The following TTC12 variants were observed in gnomAD, a reference collection of about 807,000 sequenced individuals.
TTC12 encodes the protein tetratricopeptide repeat domain 12, also known as tetratricopeptide repeat protein 12.
In TTC12, 70 loss-of-function variants were observed where a neutral mutation model predicts 90.1. The observed-to-expected ratio is 0.78, with a 90% CI of 0.64 to 0.95. TTC12 has a LOEUF of 0.95. TTC12 is among the 40% of genes least tolerant of loss of function. The pLI is 0.00. For synonymous variants in TTC12, 296 were observed against 311.5 expected, an observed-to-expected ratio of 0.95 and a Z score of 0.53; for missense variants, 819 against 846.1, an observed-to-expected ratio of 0.97 and a Z score of 0.40.
intron 11 of TTC12, 52 bp downstream of exon 11, chr11:113,340,785 C>T: frequency 6.9e-7 from 1 of 1,443,286 alleles, no homozygotes; most frequent in Non-Finnish European, 9.8e-7. Context: ...AAGATAACCA[C>T]TGCTTATGAA....
chr11:113,368,024 T>G (rs1950268620), downstream of TTC12, among the ~76,000 whole-genome samples: 1 of 152,170 alleles, frequency 6.6e-6, no homozygotes, highest in South Asian at 2.1e-4. Flanking sequence ...GAAAGGCTGT[T>G]TGTGTTCATA....
intron 16 of TTC12, among the ~76,000 whole-genome samples, chr11:113,357,832 T>C (rs1555153058): frequency 6.6e-6 from 1 of 152,228 alleles, no homozygotes; most frequent in East Asian, 1.9e-4. Context: ...CCCGAACCTC[T>C]GGTCACTACA....
chr11:113,338,361 C>G (rs1948492280), intron 8 of TTC12, among the ~76,000 whole-genome samples: 1 of 152,160 alleles, frequency 6.6e-6, no homozygotes, highest in Non-Finnish European at 1.5e-5. Context: ...TTCCTGTTCC[C>G]AAGTCTCTGT....
chr11:113,358,840 C>G (rs1282687085), intron 16 of TTC12, among the ~76,000 whole-genome samples: 1 of 152,150 alleles, frequency 6.6e-6, no homozygotes, highest in Non-Finnish European at 1.5e-5. Context: ...TTCAACTCAC[C>G]CATTCCCCAA....
chr11:113,329,583 G>C (rs374146666), intron 6 of TTC12: 4 of 475,950 alleles, frequency 8.4e-6, no homozygotes, highest in African/African-American at 5.9e-5. Flanking sequence ...AGTTCTTTTC[G>C]CAGAGCTGTC....
At chr11:113,337,086 T>G (rs1948412279) in intron 8 of TTC12, among the ~76,000 whole-genome samples, 1 of 152,256 alleles carries the variant, frequency 6.6e-6, no homozygotes, top group African/African-American at 2.4e-5. Flanking sequence ...AATACAGGCT[T>G]ATTGTAATAA....
chr11:113,370,948 A>G (rs1950366095), downstream of TTC12, among the ~76,000 whole-genome samples: 1 of 152,166 alleles, frequency 6.6e-6, no homozygotes, highest in African/African-American at 2.4e-5. Context: ...CCCTCGGGCA[A>G]CAAGCACACA....
chr11:113,326,727 T>A (rs1044769918), intron 6 of TTC12, among the ~76,000 whole-genome samples: 1 of 152,222 alleles, frequency 6.6e-6, no homozygotes, highest in Non-Finnish European at 1.5e-5. Context: ...AAACTTGTTA[T>A]AAGGAAGTGA....
rs182545651 is a variant in TTC12, at chr11:113,362,323, C to G, written c.1615-78C>G. On this transcript the variant is annotated intron_variant, in intron 18 of 21. Transcript: ENST00000529221. ...AATATAATGATTGCTTTTGCCTCAC[C>G]AAACTCCCCGTTAGCTTTTAAAGGT... The G allele has an allele frequency of 1.3e-5, 14 of 1,087,730 alleles. No homozygotes were observed. The African/African-American group carries it at 1.6e-4, about 12-fold the overall frequency. 67.4% of individuals were successfully genotyped at this position (1,087,730 alleles called of 1,614,324 possible).
At chr11:113,322,619 A>G (rs1418545083) in intron 2 of TTC12, among the ~76,000 whole-genome samples, 1 of 152,244 alleles carries the variant, frequency 6.6e-6, no homozygotes, top group Non-Finnish European at 1.5e-5. Flanking sequence ...ATTGCTGGGC[A>G]TCACTGAAGG....
intron 2 of TTC12, among the ~76,000 whole-genome samples, chr11:113,319,841 C>T (rs781959915): frequency 3.9e-5 from 6 of 152,134 alleles, no homozygotes; most frequent in Non-Finnish European, 7.4e-5. Flanking sequence ...TGATGAGACA[C>T]ATTGCTGGCA....
chr11:113,366,123 G>T (rs1950192318), intron 21 of TTC12, 102 bp from the exon 22 acceptor site: 1 of 1,281,844 alleles, frequency 7.8e-7, no homozygotes, highest in Non-Finnish European at 1.1e-6. Context: ...TGATAGGACT[G>T]ACGTTCTCAG....
At chr11:113,351,185 A>G (rs1003952656) in intron 14 of TTC12, 54 bp from the exon 15 acceptor site, 6 of 1,514,372 alleles carry the variant, frequency 4.0e-6, no homozygotes, top group Non-Finnish European at 5.5e-6. Flanking sequence ...CACTGTATTT[A>G]TGTTATAGTT....
chr11:113,334,630 G>A (rs111883084), intron 7 of TTC12, among the ~76,000 whole-genome samples: 397 of 151,520 alleles, frequency 2.6e-3, no homozygotes, highest in Admixed American at 4.8e-3. Context: ...GTGCAGGGCC[G>A]GCAGGATTTT....
At chr11:113,341,717 TA>T in intron 11 of TTC12, 119 bp from the exon 12 acceptor site, 1 of 809,216 alleles carries the variant, frequency 1.2e-6, no homozygotes, top group Non-Finnish European at 2.1e-6. Flanking sequence ...CTCTGGATTA[TA>T]AAACTATACT....
At chr11:113,368,653 G>T (rs961897732), downstream of TTC12, 47 of 713,604 alleles carry the variant, frequency 6.6e-5, no homozygotes, top group South Asian at 4.0e-4. Context: ...CGCAAGGTGG[G>T]ACTGAGGTTC....
chr11:113,345,912 G>A (rs1199599615), intron 13 of TTC12, among the ~76,000 whole-genome samples: 2 of 148,928 alleles, frequency 1.3e-5, no homozygotes, highest in Admixed American at 6.6e-5. Context: ...TGATCACCTC[G>A]GGTGGTCCTG....
chr11:113,332,298 A>C (rs540699946), intron 7 of TTC12, among the ~76,000 whole-genome samples: 1 of 152,334 alleles, frequency 6.6e-6, no homozygotes, highest in African/African-American at 2.4e-5. Flanking sequence ...GAGTGGGCCT[A>C]TTCGTGAGAA....
intron 6 of TTC12, among the ~76,000 whole-genome samples, chr11:113,329,440 C>G (rs1262482906): frequency 1.3e-5 from 2 of 152,212 alleles, no homozygotes; most frequent in Admixed American, 6.5e-5. Context: ...TGTGGACTGG[C>G]TCCTTGGCTT....
Sources: allele counts gnomAD v4.1 joint callset (sites outside exome capture counted in the v4.1 genomes callset), GRCh38; gene constraint gnomAD v4.1.1; transcripts MANE v1.5; gene names NCBI Gene and HGNC (gene_info 2026-07-23, HGNC 2026-07-21).